GPR155: variants seen among roughly 807,000 people sequenced by gnomAD.
GPR155 encodes the protein lysosomal cholesterol signaling protein.
GPR155 carries 65 observed loss-of-function variants against 93.1 expected under a neutral mutation model. That is an observed-to-expected ratio of 0.70 (90% CI 0.57 to 0.86). GPR155 has a LOEUF of 0.86. Ranked by LOEUF, GPR155 falls within the 40% of genes least tolerant of loss-of-function variation. GPR155 has a pLI of 0.00. For synonymous variants in GPR155, 319 were observed against 360.1 expected (o/e 0.89, Z 1.29); for missense variants, 838 against 1,034.8 (o/e 0.81, Z 2.61).
In GPR155 at chr2:174,434,730, A is replaced by G. The variant is rs10930665; in HGVS notation, c.*1386T>C. 0.27 allele frequency: 40,537 copies of G among 151,852 alleles called. 6,181 individuals are homozygous for G. The highest frequency in any genetic ancestry group is 0.54 in the Middle Eastern group (158 of 294). The allele number at this position is 151,852 out of a possible 1,614,324, so 9.4% of individuals were successfully genotyped here. ...AAGGGGTACTCCCACCTCAGTCTCC[A>G]AAGTAGCTGGGACTACAGGCATGCA... On this transcript the variant is annotated 3_prime_UTR_variant, in exon 16 of 16. Transcript: ENST00000392552.
At chr2:174,466,489 C>T (rs1378047472) in intron 6 of GPR155, 55 bp downstream of exon 6, 1 of 963,156 alleles carries the variant, frequency 1.0e-6, no homozygotes, top group Non-Finnish European at 1.6e-6. Context: ...TTCTCCTCTA[C>T]AGTAGAATAA....
In GPR155 at chr2:174,472,966, G is replaced by C. The variant is rs1482754762; in HGVS notation, c.859C>G (p.Leu287Val). 1 of 1,580,588 alleles carries C rather than the reference G, an allele frequency of 6.3e-7. No individual in the cohort carries two copies. Among genetic ancestry groups the C allele is most frequent in the Admixed American group, 2.1e-5 (1 of 47,636 alleles). ...VVLILLITAK[L>V]LVLPLLCREM... ...TCAAGTTAAATAAGTGATGCTTACA[G>C]TTTAGCTGTGATGAGAAGAATTAGT... Residue 287 changes from leucine to valine, a missense_variant and splice_region_variant, in exon 3 of 16, where the codon CTT becomes GTT. Coordinates refer to ENST00000392552, the MANE Select transcript of GPR155 (RefSeq NM_152529.7).
At chr2:174,479,718 G>A (rs1018494934) in intron 2 of GPR155, among the ~76,000 whole-genome samples, 2 of 152,198 alleles carry the variant, frequency 1.3e-5, no homozygotes, top group Non-Finnish European at 2.9e-5. Context: ...GTGGTGCCGA[G>A]TCAGTTCTAA....
At position 174,451,948 on chromosome 2, in the gene GPR155, C is replaced by T. The variant is rs148088768; in HGVS notation, c.1876+1789G>A. ...ACAGGAGTGAGCCACCACGCTCAGG[C>T]GAGAATCAACATTATTAATGAAGAA... is the stretch of plus-strand genomic sequence containing the variant. On this transcript the variant is annotated intron_variant, in intron 11 of 15. Transcript: ENST00000392552. Among the ~76,000 whole-genome samples, 48 of 152,126 alleles carry T rather than the reference C, an allele frequency of 3.2e-4. No homozygotes were observed. In the East Asian group the frequency reaches 7.5e-3, roughly 24 times the overall value.
chr2:174,445,348 TCTC>T (rs34017816), intron 12 of GPR155, 172 bp from the exon 13 acceptor site: 19,683 of 552,688 alleles, frequency 0.036, 425 homozygotes, highest in Middle Eastern at 0.052. Flanking sequence ...AGTTTCAACC[TCTC>T]CTCCTGACAG....
chr2:174,446,654 C>T lies in GPR155; in HGVS notation c.1970G>A (p.Arg657Gln), dbSNP rs111563303. The T allele has an allele frequency of 6.8e-5, 109 of 1,613,766 alleles. No homozygotes were observed. Among genetic ancestry groups the T allele is most frequent in the Non-Finnish European group, 8.6e-5 (102 of 1,179,794 alleles). Residue 657 changes from arginine to glutamine, a missense_variant, in exon 12 of 16, where the codon CGA becomes CAA. This residue lies in a region of GPR155 where 663 missense variants were observed against 790.1 expected (regional missense o/e 0.84). Coordinates refer to ENST00000392552, the MANE Select transcript of GPR155 (RefSeq NM_152529.7). Reference sequence around the variant, plus strand: ...GAGAAGTAAACACAGCAACACATGTCGGGTCAGTTGCTGGTCTCCACTCTG... The same window carrying T: ...GAGAAGTAAACACAGCAACACATGTTGGGTCAGTTGCTGGTCTCCACTCTG... ...YLQSGDQQLT[R>Q]HVLLCLLLII...
rs1281591264 is a variant in GPR155, at chr2:174,461,403, T to C, written c.1559A>G (p.Gln520Arg). 1 of 1,598,782 alleles carries C rather than the reference T, an allele frequency of 6.3e-7. No homozygotes were observed. Reference protein sequence around the residue: ...IDSAFFYGKEQMITTAVTLFC... With the variant: ...IDSAFFYGKERMITTAVTLFC... ...GAACTGCCAGTAAACTCTTCCCACC[T>C]GTTCTTTTCCATAAAAGAAGGCTGA... is the stretch of plus-strand genomic sequence containing the variant. The change falls in exon 9 of 16, where the codon CAG (glutamine) becomes CGG (arginine). Residue 520 changes from glutamine to arginine, a missense_variant and splice_region_variant. Physicochemically the swap from Gln to Arg is conservative, Grantham distance 43. Around this residue, in one of 3 missense-constraint regions of GPR155, gnomAD observed 663 missense variants for 790.1 expected, o/e 0.84. Transcript: ENST00000392552.
At chr2:174,468,759 T>A (rs568825319) in intron 5 of GPR155, among the ~76,000 whole-genome samples, 153 bp downstream of exon 5, 1 of 152,344 alleles carries the variant, frequency 6.6e-6, no homozygotes, top group Non-Finnish European at 1.5e-5. Flanking sequence ...AAAACAAAAC[T>A]CAGTTAATCA....
intron 11 of GPR155, among the ~76,000 whole-genome samples, chr2:174,449,525 A>G (rs1315738979): frequency 1.3e-5 from 2 of 152,228 alleles, no homozygotes; most frequent in Non-Finnish European, 2.9e-5. Flanking sequence ...CTACATATAT[A>G]CCATGGAATA....
rs543586567 is a variant in GPR155 at position 174,476,335 on chromosome 2, G to T, written c.461-2971C>A. ...CAAAACCTTTCTTTTACCGGGCATGGTGGCTCATGCCTGTAATCCCAGCAC... is the reference window on the plus strand; with the variant it reads ...CAAAACCTTTCTTTTACCGGGCATGTTGGCTCATGCCTGTAATCCCAGCAC... On this transcript the variant is annotated intron_variant, in intron 2 of 15. Transcript: ENST00000392552. 3.9e-5 allele frequency among the ~76,000 whole-genome samples: 6 copies of T among 152,334 alleles called. No individual in the cohort carries two copies. The South Asian group carries it at 1.2e-3, about 32-fold the overall frequency.
chr2:174,439,472 G>A (rs891300894), intron 15 of GPR155, among the ~76,000 whole-genome samples: 52 of 152,086 alleles, frequency 3.4e-4, no homozygotes, highest in Admixed American at 6.6e-5. Flanking sequence ...ACAAAATTAA[G>A]AGGCAGAAAT....
intron 11 of GPR155, among the ~76,000 whole-genome samples, chr2:174,449,512 G>A (rs561670269): frequency 7.9e-5 from 12 of 152,314 alleles, no homozygotes; most frequent in African/African-American, 2.4e-4. Flanking sequence ...TAAAGAAAAT[G>A]TGCTACATAT....
chr2:174,445,389 A>ATCAGAT, intron 12 of GPR155: 1 of 441,968 alleles, frequency 2.3e-6, no homozygotes, highest in East Asian at 3.8e-5. Flanking sequence ...ATCTATTCTG[A>ATCAGAT]TCAGATTTGA....
chr2:174,467,444 C>T (rs1423348170), intron 5 of GPR155, among the ~76,000 whole-genome samples: 1 of 152,128 alleles, frequency 6.6e-6, no homozygotes, highest in Non-Finnish European at 1.5e-5. Flanking sequence ...CAAGATCATA[C>T]CACTGCACTC....
In GPR155 at chr2:174,435,638, A is replaced by AT. The variant is rs1201974097; in HGVS notation, c.*477dup. 6.6e-6 allele frequency: 1 copy of AT among 152,606 alleles called. No homozygotes were observed. The highest frequency in any genetic ancestry group is 2.4e-5 in the African/African-American group (1 of 41,448). The allele number at this position is 152,606 out of a possible 1,614,324, so 9.5% of individuals were successfully genotyped here. On this transcript the variant is annotated 3_prime_UTR_variant, in exon 16 of 16. Coordinates refer to ENST00000392552, the MANE Select transcript of GPR155 (RefSeq NM_152529.7). ...AGGCACCCGCCACCACACCCAACTA[A>AT]TTTTTTGTATTTTATAGTAGAGACG...
rs1469563231 is a variant in GPR155, at chr2:174,470,391, A to G, written c.1025T>C (p.Ile342Thr). The G allele has an allele frequency of 5.6e-6, 9 of 1,611,532 alleles. No homozygotes were observed. Among genetic ancestry groups the G allele is most frequent in the East Asian group, 2.2e-5 (1 of 44,884 alleles). Reference sequence around the variant, plus strand: ...ACTTAGAAAGTACTATATACATACAATTTCTACTTCCATGTTGAATTGTGT... The same window carrying G: ...ACTTAGAAAGTACTATATACATACAGTTTCTACTTCCATGTTGAATTGTGT... ...FATQFNMEVE[I>T]ITSGMVISTF... The change falls in exon 4 of 16, where the codon ATT becomes ACT. Residue 342 changes from isoleucine to threonine, a missense_variant and splice_region_variant. Transcript: ENST00000392552.
At chr2:174,447,969 CTG>C (rs1314693850) in intron 11 of GPR155, among the ~76,000 whole-genome samples, 1 of 151,914 alleles carries the variant, frequency 6.6e-6, no homozygotes, top group Non-Finnish European at 1.5e-5. Context: ...TTTTGGCTAA[CTG>C]TGAAACAAAT....
At chr2:174,438,666 C>G (rs1252070209) in intron 15 of GPR155, among the ~76,000 whole-genome samples, 1 of 152,098 alleles carries the variant, frequency 6.6e-6, no homozygotes, top group Middle Eastern at 3.2e-3. Flanking sequence ...CGCCAACACA[C>G]CCGGCTAGTT....
chr2:174,436,679 T>C lies in GPR155; in HGVS notation c.2313-263A>G, dbSNP rs569854854. Among the ~76,000 whole-genome samples the C allele has an allele frequency of 3.3e-5, 5 of 152,330 alleles. No homozygotes were observed. The East Asian group carries it at 9.6e-4, about 29-fold the overall frequency. Reference sequence around the variant, plus strand: ...CAATACCAAAAAAAGTCATAGATAATGTAAATGCACTTACAAAGAAATACT... The same window carrying C: ...CAATACCAAAAAAAGTCATAGATAACGTAAATGCACTTACAAAGAAATACT... On this transcript the variant is annotated intron_variant, in intron 15 of 15. Coordinates refer to ENST00000392552, the MANE Select transcript of GPR155 (RefSeq NM_152529.7).
Sources: gnomAD v4.1 joint callset for allele counts (sites outside exome capture counted in the v4.1 genomes callset) on GRCh38, gnomAD v4.1.1 for gene constraint, gnomAD v4.1.1 regional missense constraint, MANE v1.5 for transcripts, NCBI Gene and HGNC (gene_info 2026-07-23, HGNC 2026-07-21) for gene names.